The following ADCY7 variants were observed in gnomAD, a reference collection of about 807,000 sequenced individuals.
ADCY7 encodes adenylate cyclase 7.
ADCY7 carries 72 observed loss-of-function variants against 120.6 expected under a neutral mutation model. That is an observed-to-expected ratio of 0.60 (90% CI 0.49 to 0.73). The LOEUF is 0.73. Among genes scored for constraint, ADCY7 ranks in the 30% least tolerant of loss-of-function variants. The pLI, the probability that ADCY7 is intolerant of heterozygous loss-of-function variation, is 0.00. For missense variants in ADCY7, 1,227 were observed against 1,486.0 expected (o/e 0.83, Z 2.87); for synonymous variants, 661 against 628.0 (o/e 1.05, Z -0.78).
upstream of ADCY7, chr16:50,246,076 C>T (rs1295236637): frequency 1.3e-5 from 2 of 150,630 alleles, no homozygotes; most frequent in Admixed American, 1.3e-4. Flanking sequence ...GCGCCCCAGG[C>T]CTGGGACACG....
chr16:50,315,683 G>A lies in ADCY7; in HGVS notation c.*178G>A, dbSNP rs2036769045. 1.3e-6 allele frequency: 1 copy of A among 765,424 alleles called. No individual in the cohort carries two copies. The highest frequency in any genetic ancestry group is 2.0e-6 in the Non-Finnish European group (1 of 494,622). The allele number at this position is 765,424 out of a possible 1,614,324, so 47.4% of individuals were successfully genotyped here. A position where few individuals can be genotyped will look rare whatever the true frequency, so the allele number is the denominator to read the frequency against. ...CACATGCACCAGATTCTGGCTCGAA[G>A]CAGCCACTGAGCCATAATGCGCAGG... is the stretch of plus-strand genomic sequence containing the variant. On this transcript the variant is annotated 3_prime_UTR_variant, in exon 26 of 26. Coordinates refer to ENST00000673801, the MANE Select transcript of ADCY7 (RefSeq NM_001114.5).
intron 18 of ADCY7, 91 bp from the exon 19 acceptor site, chr16:50,310,596 G>A: frequency 5.6e-6 from 9 of 1,596,216 alleles, no homozygotes; most frequent in Non-Finnish European, 6.8e-6. Context: ...ATGCTGAGGT[G>A]CAGGGAGTGG....
upstream of ADCY7, among the ~76,000 whole-genome samples, chr16:50,262,356 C>T (rs2033080649): frequency 6.6e-6 from 1 of 151,756 alleles, no homozygotes; most frequent in African/African-American, 2.4e-5. Context: ...TTCCTAGGCT[C>T]AAGCGATCCT....
intron 12 of ADCY7, 86 bp from the exon 13 acceptor site, chr16:50,305,417 C>A: frequency 8.4e-7 from 1 of 1,190,526 alleles, no homozygotes; most frequent in Non-Finnish European, 1.2e-6. Flanking sequence ...GGTTCTGGGA[C>A]CCCACTGGTG....
At chr16:50,309,968 C>T (rs1477923795) in intron 18 of ADCY7, among the ~76,000 whole-genome samples, 4 of 152,314 alleles carry the variant, frequency 2.6e-5, no homozygotes, top group Admixed American at 2.0e-4. Flanking sequence ...ATTTTATACA[C>T]GAGTATGCAC....
intron 1 of ADCY7, among the ~76,000 whole-genome samples, chr16:50,274,804 G>T (rs943548817): frequency 6.6e-6 from 1 of 152,198 alleles, no homozygotes; most frequent in African/African-American, 2.4e-5. Flanking sequence ...TTCTCTGCTG[G>T]TCTGAGTGGG....
rs1445889003 is a variant in ADCY7 at position 50,309,656 on chromosome 16, C to A, written c.2160+10C>A. On this transcript the variant is annotated intron_variant, in intron 18 of 25. Coordinates refer to ENST00000673801, the MANE Select transcript of ADCY7 (RefSeq NM_001114.5). ...GTGTGAGCCCCTCCCGGTGAGTGCG[C>A]CGGGCCCGGCTCCGTGGCCTCATTC... 1 of 1,605,806 alleles carries A rather than the reference C, an allele frequency of 6.2e-7. No individual in the cohort carries two copies. The highest frequency in any genetic ancestry group is 1.7e-5 in the Admixed American group (1 of 59,946).
chr16:50,289,516 A>T (rs1012812300), intron 2 of ADCY7, among the ~76,000 whole-genome samples: 12 of 152,270 alleles, frequency 7.9e-5, no homozygotes, highest in African/African-American at 1.2e-4. Flanking sequence ...CCCAGGCTGG[A>T]GTGCAATGGC....
rs200441069 is a variant in ADCY7, at chr16:50,291,719, C to T, written c.376-17C>T. On this transcript the variant is annotated splice_polypyrimidine_tract_variant and intron_variant, in intron 3 of 25. Coordinates refer to ENST00000673801, the MANE Select transcript of ADCY7 (RefSeq NM_001114.5). ...GCAGCATCTTGGGGCACCGGGCTCA[C>T]CAGGCTGCATCCACAGGTGCCCTTC... 25 of 1,613,874 alleles carry T rather than the reference C, an allele frequency of 1.5e-5. No individual in the cohort carries two copies. The East Asian group carries it at 5.6e-4, about 36-fold the overall frequency.
chr16:50,244,788 G>C (rs2032533520), upstream of ADCY7, among the ~76,000 whole-genome samples: 2 of 152,192 alleles, frequency 1.3e-5, no homozygotes, highest in South Asian at 2.1e-4. Flanking sequence ...CAGTGACCCG[G>C]CCAGGGCCCT....
At chr16:50,275,245 T>C (rs972813890) in intron 1 of ADCY7, among the ~76,000 whole-genome samples, 1 of 152,200 alleles carries the variant, frequency 6.6e-6, no homozygotes, top group African/African-American at 2.4e-5. Flanking sequence ...CACAGGCAGG[T>C]GCATGGGCTG....
chr16:50,280,447 C>A (rs919478846), intron 1 of ADCY7, among the ~76,000 whole-genome samples: 1 of 147,660 alleles, frequency 6.8e-6, no homozygotes, highest in African/African-American at 2.5e-5. Flanking sequence ...TTCTTCAGTT[C>A]AGCTCTGATT....
At chr16:50,285,212 G>T (rs2150928080) in intron 1 of ADCY7, among the ~76,000 whole-genome samples, 1 of 152,358 alleles carries the variant, frequency 6.6e-6, no homozygotes, top group South Asian at 2.1e-4. Context: ...TGGGCACTTT[G>T]ACAGCTCTTG....
intron 19 of ADCY7, 44 bp from the exon 20 acceptor site, chr16:50,311,649 A>C (rs1217578793): frequency 7.3e-7 from 1 of 1,368,728 alleles, no homozygotes; most frequent in Non-Finnish European, 1.0e-6. Flanking sequence ...AGTGGGTTGG[A>C]GTGGTGAGTG....
At chr16:50,248,866 C>A (rs936078356) in intron 1 of ADCY7, among the ~76,000 whole-genome samples, 1 of 152,180 alleles carries the variant, frequency 6.6e-6, no homozygotes, top group African/African-American at 2.4e-5. Flanking sequence ...CCTAACAGAA[C>A]GGCCTGGGAC....
intron 5 of ADCY7, 138 bp from the exon 6 acceptor site, chr16:50,293,216 T>TGGGCAGGGCAGGC (rs2035109427): frequency 1.1e-6 from 1 of 951,612 alleles, no homozygotes; most frequent in Non-Finnish European, 1.6e-6. Context: ...GGGGACATTG[T>TGGGCAGGGCAGGC]GGGCAGGGCA....
Position 50,309,663 on chromosome 16 carries a change from C to A in ADCY7, c.2160+17C>A. On this transcript the variant is annotated intron_variant, in intron 18 of 25. Coordinates refer to ENST00000673801, the MANE Select transcript of ADCY7 (RefSeq NM_001114.5). ...CCCCTCCCGGTGAGTGCGCCGGGCC[C>A]GGCTCCGTGGCCTCATTCAGAGTGG... 1 of 1,601,330 alleles carries A rather than the reference C, an allele frequency of 6.2e-7. No homozygotes were observed. Among genetic ancestry groups the A allele is most frequent in the Non-Finnish European group, 8.5e-7 (1 of 1,177,500 alleles).
chr16:50,260,684 G>C (rs371666545), intron 1 of ADCY7, among the ~76,000 whole-genome samples: 8 of 152,328 alleles, frequency 5.3e-5, no homozygotes, highest in African/African-American at 1.9e-4. Flanking sequence ...GGCTTGACTG[G>C]GGCTGGAGGG....
At chr16:50,269,094 G>A (rs1455202201) in intron 1 of ADCY7, among the ~76,000 whole-genome samples, 1 of 152,158 alleles carries the variant, frequency 6.6e-6, no homozygotes, top group African/African-American at 2.4e-5. Context: ...GGTTGCACTG[G>A]GGACATGCAC....
Sources: gnomAD v4.1 joint callset for allele counts (sites outside exome capture counted in the v4.1 genomes callset) on GRCh38, gnomAD v4.1.1 for gene constraint, MANE v1.5 for transcripts, NCBI Gene and HGNC (gene_info 2026-07-23, HGNC 2026-07-21) for gene names.